Variants in SYNPR observed in about 807,000 individuals in gnomAD.
The protein encoded by SYNPR is synaptoporin.
In SYNPR, 23 loss-of-function variants were observed where a neutral mutation model predicts 32.9. That is an observed-to-expected ratio of 0.70 (90% confidence interval 0.50 to 0.99). SYNPR has a LOEUF of 0.99. Ranked by LOEUF, SYNPR falls within the 50% of genes least tolerant of loss-of-function variation. The pLI, the probability that SYNPR is intolerant of heterozygous loss-of-function variation, is 0.00. For missense variants in SYNPR, 318 were observed against 349.3 expected (o/e 0.91, Z 0.71); for synonymous variants, 146 against 135.9 (o/e 1.07, Z -0.52).
upstream of SYNPR, among the ~76,000 whole-genome samples, chr3:63,226,810 T>C (rs563810283): frequency 3.9e-5 from 6 of 152,216 alleles, no homozygotes; most frequent in East Asian, 1.9e-4. Context: ...AGGGTAACTA[T>C]AGTTAACAAA....
At chr3:63,230,738 G>A (rs1398083023) in intron 1 of SYNPR, among the ~76,000 whole-genome samples, 3 of 152,132 alleles carry the variant, frequency 2.0e-5, no homozygotes, top group Non-Finnish European at 4.4e-5. Flanking sequence ...ATAAAATGGG[G>A]ATAATAACAG....
At chr3:63,299,161 A>C (rs1375261732) in intron 2 of SYNPR, among the ~76,000 whole-genome samples, 1 of 152,166 alleles carries the variant, frequency 6.6e-6, no homozygotes, top group African/African-American at 2.4e-5. Flanking sequence ...ATAGCTTAGG[A>C]AAAGAAAGGA....
At chr3:63,310,665 C>T (rs1477292240) in intron 2 of SYNPR, among the ~76,000 whole-genome samples, 1 of 151,926 alleles carries the variant, frequency 6.6e-6, no homozygotes, top group Non-Finnish European at 1.5e-5. Flanking sequence ...CATGCTGTCC[C>T]AGTGGCTCTG....
chr3:63,411,600 A>C (rs531408142), intron 2 of SYNPR, among the ~76,000 whole-genome samples: 1 of 152,168 alleles, frequency 6.6e-6, no homozygotes, highest in Non-Finnish European at 1.5e-5. Context: ...TTGAGATTTG[A>C]AGGCCAAGAG....
At chr3:63,507,163 A>C (rs1372541021) in intron 3 of SYNPR, among the ~76,000 whole-genome samples, 1 of 152,080 alleles carries the variant, frequency 6.6e-6, no homozygotes, top group Non-Finnish European at 1.5e-5. Context: ...TAAAAAAAAA[A>C]AAGAAAAGAA....
intron 2 of SYNPR, among the ~76,000 whole-genome samples, chr3:63,301,836 T>C (rs539882799): frequency 1.3e-5 from 2 of 152,170 alleles, no homozygotes; most frequent in South Asian, 2.1e-4. Context: ...TCATCTTGTC[T>C]TCTCCAGCCA....
chr3:63,390,183 G>C (rs1429989308), intron 2 of SYNPR, among the ~76,000 whole-genome samples: 1 of 152,214 alleles, frequency 6.6e-6, no homozygotes, highest in African/African-American at 2.4e-5. Context: ...TAAGGATCAT[G>C]ATAAACAAAT....
chr3:63,337,058 C>T (rs1479813788), intron 2 of SYNPR, among the ~76,000 whole-genome samples: 1 of 151,740 alleles, frequency 6.6e-6, no homozygotes, highest in Admixed American at 6.6e-5. Context: ...ATGGTGAAAT[C>T]TTGTCTCCAC....
intron 2 of SYNPR, among the ~76,000 whole-genome samples, chr3:63,423,412 GAGA>G (rs1477172586): frequency 3.9e-5 from 6 of 152,190 alleles, no homozygotes; most frequent in African/African-American, 2.4e-5. Flanking sequence ...GAGGAGACAG[GAGA>G]AGGACTCAAA....
chr3:63,546,622 G>A (rs540349741), intron 3 of SYNPR, among the ~76,000 whole-genome samples: 3 of 151,888 alleles, frequency 2.0e-5, no homozygotes, highest in South Asian at 2.1e-4. Context: ...CCCTGTGCTC[G>A]ATATTTATTA....
At chr3:63,385,933 G>C (rs151059807) in intron 2 of SYNPR, among the ~76,000 whole-genome samples, 100 of 152,310 alleles carry the variant, frequency 6.6e-4, no homozygotes, top group African/African-American at 2.4e-3. Context: ...TCGAAGCTAA[G>C]ACTCAAGGCC....
chr3:63,461,196 C>T (rs929619809), intron 2 of SYNPR, among the ~76,000 whole-genome samples: 2 of 152,092 alleles, frequency 1.3e-5, no homozygotes, highest in Admixed American at 1.3e-4. Context: ...GGCAGAAATT[C>T]TCATAGTACA....
At chr3:63,577,605 T>C (rs944849733) in intron 4 of SYNPR, among the ~76,000 whole-genome samples, 6 of 151,778 alleles carry the variant, frequency 4.0e-5, no homozygotes, top group Non-Finnish European at 7.4e-5. Context: ...AGGGAAGAGG[T>C]CGTGTGTAGG....
At chr3:63,587,422 G>C (rs569832496) in intron 4 of SYNPR, among the ~76,000 whole-genome samples, 1 of 152,242 alleles carries the variant, frequency 6.6e-6, no homozygotes, top group South Asian at 2.1e-4. Flanking sequence ...TCCAGCCACA[G>C]ATACCAACTA....
At chr3:63,421,269 C>T (rs957907955) in intron 2 of SYNPR, among the ~76,000 whole-genome samples, 2 of 151,856 alleles carry the variant, frequency 1.3e-5, no homozygotes, top group South Asian at 4.2e-4. Context: ...CAGGAAACGT[C>T]AAATTAAAAT....
At chr3:63,369,715 G>C (rs1290815001) in intron 2 of SYNPR, among the ~76,000 whole-genome samples, 1 of 152,166 alleles carries the variant, frequency 6.6e-6, no homozygotes, top group Non-Finnish European at 1.5e-5. Flanking sequence ...GAGAGGCTTT[G>C]ACATTGCTCT....
intron 2 of SYNPR, among the ~76,000 whole-genome samples, chr3:63,300,325 C>A (rs2086830852): frequency 8.8e-6 from 1 of 113,636 alleles, no homozygotes; most frequent in Admixed American, 1.0e-4. Flanking sequence ...CTAGAACATT[C>A]TTTGCTTCTA....
chr3:63,291,645 A>G (rs1482829152), intron 2 of SYNPR, among the ~76,000 whole-genome samples: 1 of 152,098 alleles, frequency 6.6e-6, no homozygotes, highest in Admixed American at 6.6e-5. Flanking sequence ...TTATTATGTG[A>G]CCACCATTCA....
intron 2 of SYNPR, among the ~76,000 whole-genome samples, chr3:63,472,312 T>G (rs567455682): frequency 1.3e-5 from 2 of 152,192 alleles, no homozygotes; most frequent in East Asian, 3.9e-4. Flanking sequence ...CACTTAGGAG[T>G]AGATCATGTG....
Sources: gnomAD v4.1 joint callset for allele counts (sites outside exome capture counted in the v4.1 genomes callset) on GRCh38, gnomAD v4.1.1 for gene constraint, MANE v1.5 for transcripts, NCBI Gene and HGNC (gene_info 2026-07-23, HGNC 2026-07-21) for gene names.